The following SDK1 variants were observed in gnomAD, a reference collection of about 807,000 sequenced individuals.
The protein encoded by SDK1 is protein sidekick-1.
In SDK1, 157 loss-of-function variants were observed where a neutral mutation model predicts 245.5. The observed-to-expected ratio is 0.64, with a 90% confidence interval of 0.56 to 0.73. SDK1 has a LOEUF of 0.73. Ranked by LOEUF, SDK1 falls within the 30% of genes least tolerant of loss-of-function variation. The pLI is 0.00. For missense variants in SDK1, 3,583 were observed against 3,002.3 expected, an observed-to-expected ratio of 1.19 and a Z score of -4.52; for synonymous variants, 1,647 against 1,278.5, an observed-to-expected ratio of 1.29 and a Z score of -6.15.
At chr7:3,534,850 A>C (rs1296475799) in intron 1 of SDK1, among the ~76,000 whole-genome samples, 1 of 152,210 alleles carries the variant, frequency 6.6e-6, no homozygotes, top group Non-Finnish European at 1.5e-5. Flanking sequence ...CATGTTCAAA[A>C]TGGTGGCCCC....
chr7:4,177,287 C>T (rs1301480333), intron 34 of SDK1, among the ~76,000 whole-genome samples: 1 of 152,184 alleles, frequency 6.6e-6, no homozygotes, highest in African/African-American at 2.4e-5. Flanking sequence ...CACACAGGTG[C>T]CAGGCACACA....
intron 4 of SDK1, among the ~76,000 whole-genome samples, chr7:3,753,580 C>T (rs1301641183): frequency 6.6e-6 from 1 of 152,222 alleles, no homozygotes; most frequent in African/African-American, 2.4e-5. Context: ...CCTCTGATTC[C>T]TCCCTCGAAG....
rs186802411 is a variant in SDK1, at chr7:4,082,468, G to A, written c.3324+2884G>A. Among the ~76,000 whole-genome samples, 3 of 151,266 alleles carry A rather than the reference G, an allele frequency of 2.0e-5. No individual in the cohort carries two copies. The East Asian group carries it at 5.9e-4, about 30-fold the overall frequency. Reference sequence around the variant, plus strand: ...GAGAATCGCTTGAACCTGGGAGGCGGAGTTTGCAGTGAGCTGAGATCATGC... The same window carrying A: ...GAGAATCGCTTGAACCTGGGAGGCGAAGTTTGCAGTGAGCTGAGATCATGC... On this transcript the variant is annotated intron_variant, in intron 22 of 44. Coordinates refer to ENST00000404826, the MANE Select transcript of SDK1 (RefSeq NM_152744.4).
intron 38 of SDK1, among the ~76,000 whole-genome samples, chr7:4,217,395 ACCACCCGGAGCACCAGG>A (rs1182557295): frequency 6.4e-4 from 62 of 96,456 alleles, no homozygotes; most frequent in African/African-American, 2.0e-3. Context: ...GGAGCACCAC[ACCACCCGGAGCACCAGG>A]CCACCCGGAG....
chr7:3,608,239 C>T (rs1047409922), intron 1 of SDK1, among the ~76,000 whole-genome samples: 7 of 152,216 alleles, frequency 4.6e-5, no homozygotes, highest in Admixed American at 1.3e-4. Flanking sequence ...TATTCTGTGT[C>T]GAAATGTGAA....
intron 5 of SDK1, among the ~76,000 whole-genome samples, chr7:3,920,960 A>C (rs1219882385): frequency 6.6e-6 from 1 of 152,252 alleles, no homozygotes; most frequent in East Asian, 1.9e-4. Flanking sequence ...CCCTGCCCTC[A>C]AATGAAAGCC....
At chr7:3,788,835 C>G (rs1780991448) in intron 4 of SDK1, among the ~76,000 whole-genome samples, 1 of 152,148 alleles carries the variant, frequency 6.6e-6, no homozygotes, top group African/African-American at 2.4e-5. Context: ...TCTCCCAGTT[C>G]CGAGAGAGGA....
At chr7:3,332,008 T>C (rs1029257398) in intron 1 of SDK1, among the ~76,000 whole-genome samples, 2 of 152,210 alleles carry the variant, frequency 1.3e-5, no homozygotes, top group African/African-American at 4.8e-5. Context: ...TCTCATGCCT[T>C]ATTTTATTTC....
chr7:3,343,238 T>G (rs1053647315), intron 1 of SDK1, among the ~76,000 whole-genome samples: 2 of 152,180 alleles, frequency 1.3e-5, no homozygotes, highest in Non-Finnish European at 2.9e-5. Flanking sequence ...AAGCTTTATT[T>G]ATAATAAATA....
chr7:3,879,129 T>C (rs1188154027), intron 5 of SDK1, among the ~76,000 whole-genome samples: 1 of 152,126 alleles, frequency 6.6e-6, no homozygotes, highest in Non-Finnish European at 1.5e-5. Context: ...TAATATTCTG[T>C]GTGCGGTAAC....
intron 2 of SDK1, among the ~76,000 whole-genome samples, chr7:3,625,532 G>A (rs1055926086): frequency 5.3e-5 from 8 of 152,180 alleles, no homozygotes; most frequent in African/African-American, 1.9e-4. Context: ...GAGGAAGGAA[G>A]CACCAGTGCA....
At chr7:3,691,205 G>A (rs1217005746) in intron 4 of SDK1, among the ~76,000 whole-genome samples, 1 of 151,922 alleles carries the variant, frequency 6.6e-6, no homozygotes, top group African/African-American at 2.4e-5. Context: ...GAGAATTCTG[G>A]ACTTTAGATT....
intron 1 of SDK1, among the ~76,000 whole-genome samples, chr7:3,309,542 T>TTTTTTTTTTTTTTTA (rs1554256117): frequency 6.7e-6 from 1 of 148,656 alleles, no homozygotes. Flanking sequence ...TTTTTTTTTT[T>TTTTTTTTTTTTTTTA]ACATGAGTGT....
chr7:4,031,864 T>C (rs1278511687), intron 17 of SDK1, among the ~76,000 whole-genome samples: 1 of 151,966 alleles, frequency 6.6e-6, no homozygotes, highest in African/African-American at 2.4e-5. Context: ...CTGTCTCTAC[T>C]GAAAATACAA....
intron 4 of SDK1, among the ~76,000 whole-genome samples, chr7:3,715,646 C>T (rs967433703): frequency 1.3e-5 from 2 of 152,148 alleles, no homozygotes; most frequent in South Asian, 2.1e-4. Flanking sequence ...AGGCAAAGTC[C>T]TATACCCTAA....
At chr7:3,610,506 C>G (rs1424047890) in intron 1 of SDK1, among the ~76,000 whole-genome samples, 1 of 152,152 alleles carries the variant, frequency 6.6e-6, no homozygotes, top group Non-Finnish European at 1.5e-5. Context: ...GAGCTGGAAG[C>G]TTATTTCAGT....
At chr7:4,094,161 A>G (rs1174397920) in intron 22 of SDK1, among the ~76,000 whole-genome samples, 4 of 151,980 alleles carry the variant, frequency 2.6e-5, no homozygotes, top group Admixed American at 2.6e-4. Context: ...GGTTCAAGCG[A>G]TTCTCCTGCC....
intron 4 of SDK1, among the ~76,000 whole-genome samples, chr7:3,702,227 A>G (rs537086538): frequency 1.3e-5 from 2 of 152,322 alleles, no homozygotes; most frequent in East Asian, 3.9e-4. Context: ...TAAGCTACAT[A>G]TTTGAGAAAG....
At chr7:3,946,068 G>A (rs1055340795) in intron 5 of SDK1, among the ~76,000 whole-genome samples, 5 of 151,566 alleles carry the variant, frequency 3.3e-5, no homozygotes, top group Non-Finnish European at 5.9e-5. Flanking sequence ...AGAAAACAGA[G>A]GGGAGAAAAT....
Sources: gnomAD v4.1 joint callset for allele counts (sites outside exome capture counted in the v4.1 genomes callset) on GRCh38, gnomAD v4.1.1 for gene constraint, MANE v1.5 for transcripts, NCBI Gene and HGNC (gene_info 2026-07-23, HGNC 2026-07-21) for gene names.